Variants in SLC25A48 observed in about 807,000 individuals in gnomAD.
The protein encoded by SLC25A48 is solute carrier family 25 member 48, also known as CTC-321K16.1.
In SLC25A48, 29 loss-of-function variants were observed where a neutral mutation model predicts 32.2. The ratio of observed to expected loss-of-function variants is 0.90; its 90% CI spans 0.67 to 1.23. SLC25A48 has a LOEUF of 1.23. Among genes scored for constraint, SLC25A48 ranks in the 50% most tolerant of loss-of-function variants. The pLI is 0.00. For synonymous variants in SLC25A48, 164 were observed against 172.3 expected, an observed-to-expected ratio of 0.95 and a Z score of 0.38; for missense variants, 399 against 422.7, an observed-to-expected ratio of 0.94 and a Z score of 0.49.
Position 135,592,672 on chromosome 5 carries a change from T to TGA in SLC25A48, c.-849+13084_-849+13085dup, listed in dbSNP as rs149212131. Among the ~76,000 whole-genome samples the TGA allele has an allele frequency of 6.7e-3, 1,011 of 151,912 alleles. 24 individuals are homozygous for TGA. The highest frequency in any genetic ancestry group is 0.023 in the African/African-American group (937 of 41,380). On this transcript the variant is annotated intron_variant, in intron 1 of 10. Coordinates refer to the SLC25A48 transcript ENST00000646290. ...GTGTATGTGTGTGTGAGAGAGAGAT[T>TGA]GAGAGAGAGACAGTGAGAGAGAGCA...
At chr5:135,859,797 G>T (rs1447801647) in intron 4 of SLC25A48, among the ~76,000 whole-genome samples, 1 of 152,126 alleles carries the variant, frequency 6.6e-6, no homozygotes, top group Non-Finnish European at 1.5e-5. Flanking sequence ...TGGTGCCACT[G>T]GTGTCAGACA....
intron 3 of SLC25A48, among the ~76,000 whole-genome samples, chr5:135,746,076 GC>G (rs1408675380): frequency 6.6e-6 from 1 of 151,898 alleles, no homozygotes; most frequent in Admixed American, 6.6e-5. Context: ...TTCAAGCTCC[GC>G]CCTCACGCTG....
intron 3 of SLC25A48, among the ~76,000 whole-genome samples, chr5:135,769,246 T>G (rs1756333348): frequency 1.3e-5 from 1 of 79,762 alleles, no homozygotes. Flanking sequence ...CTCTGTAATT[T>G]TGTTTGCAAT....
intron 3 of SLC25A48, among the ~76,000 whole-genome samples, chr5:135,806,377 AGT>A (rs1313936151): frequency 6.6e-6 from 1 of 151,542 alleles, no homozygotes; most frequent in Non-Finnish European, 1.5e-5. Context: ...TTAATATCTT[AGT>A]GTGTTAATAC....
chr5:135,698,519 C>G (rs747607144), intron 3 of SLC25A48, among the ~76,000 whole-genome samples: 1 of 152,004 alleles, frequency 6.6e-6, no homozygotes, highest in East Asian at 1.9e-4. Flanking sequence ...TGAGCAACCA[C>G]TACAGTTTTT....
intron 3 of SLC25A48, among the ~76,000 whole-genome samples, chr5:135,763,763 A>G (rs1756123370): frequency 1.1e-5 from 1 of 88,522 alleles, no homozygotes; most frequent in Non-Finnish European, 2.9e-5. Flanking sequence ...GAACACACAC[A>G]TACACACACA....
chr5:135,637,953 A>G (rs1411073730), intron 3 of SLC25A48, among the ~76,000 whole-genome samples: 1 of 152,176 alleles, frequency 6.6e-6, no homozygotes, highest in Admixed American at 6.5e-5. Context: ...CACTTATTCT[A>G]TTTCACCAAT....
intron 3 of SLC25A48, among the ~76,000 whole-genome samples, chr5:135,730,188 A>T (rs942712343): frequency 1.3e-5 from 2 of 152,062 alleles, no homozygotes; most frequent in East Asian, 3.9e-4. Flanking sequence ...CCTATAACAA[A>T]CCTCTGCTGT....
chr5:135,685,481 G>A (rs1230773073), intron 3 of SLC25A48, among the ~76,000 whole-genome samples: 3 of 138,330 alleles, frequency 2.2e-5, no homozygotes, highest in South Asian at 2.2e-4. Context: ...TGCCCAGGCT[G>A]TAGTGCAATG....
At chr5:135,800,308 G>T (rs74719369) in intron 3 of SLC25A48, among the ~76,000 whole-genome samples, 1 of 151,716 alleles carries the variant, frequency 6.6e-6, no homozygotes, top group Admixed American at 6.6e-5. Context: ...GCCCGCTTGT[G>T]GTATTGTTCT....
intron 3 of SLC25A48, among the ~76,000 whole-genome samples, chr5:135,749,997 C>T (rs1475229103): frequency 6.6e-6 from 1 of 152,186 alleles, no homozygotes. Context: ...CTGACACCAT[C>T]CATCGTCTGT....
At chr5:135,809,541 T>G (rs1309740434) in intron 3 of SLC25A48, among the ~76,000 whole-genome samples, 1 of 152,160 alleles carries the variant, frequency 6.6e-6, no homozygotes, top group Non-Finnish European at 1.5e-5. Flanking sequence ...TAGTGGAAAC[T>G]TCTGTGGGTT....
intron 1 of SLC25A48, among the ~76,000 whole-genome samples, chr5:135,585,785 T>TAATAATAATAATAATAAA (rs1561746120): frequency 2.0e-5 from 3 of 151,848 alleles, no homozygotes; most frequent in African/African-American, 7.3e-5. Flanking sequence ...ATAATAATAA[T>TAATAATAATAATAATAAA]AAATAATCAG....
rs1284773428 is a variant in SLC25A48 at position 135,852,811 on chromosome 5, G to A, written c.411G>A (p.Pro137=). 8 of 1,605,006 alleles carry A rather than the reference G, an allele frequency of 5.0e-6. No individual in the cohort carries two copies. Among genetic ancestry groups the A allele is most frequent in the East Asian group, 2.2e-5 (1 of 44,578 alleles). ...IKIRLQMQTQ[P]FRDANLGLKS... is the part of the protein sequence containing the mutation. ...TCCGGTTGCAGATGCAGACACAACC[G>A]TTTCGGGACGGTAAGAGGCCAGGGG... Residue 137 remains proline, a synonymous_variant, in exon 4 of 8, where the codon CCG becomes CCA. Coordinates refer to ENST00000681962, the MANE Select transcript of SLC25A48 (RefSeq NM_001349336.2).
At chr5:135,866,757 A>T (rs1761235276) in intron 4 of SLC25A48, among the ~76,000 whole-genome samples, 1 of 152,234 alleles carries the variant, frequency 6.6e-6, no homozygotes. Flanking sequence ...ACTGAGCTGG[A>T]CAAGGCAGGA....
chr5:135,709,838 T>A (rs1218472766), intron 3 of SLC25A48, among the ~76,000 whole-genome samples: 1 of 152,248 alleles, frequency 6.6e-6, no homozygotes, highest in African/African-American at 2.4e-5. Flanking sequence ...TCATGTTGAC[T>A]GCTTTATTAC....
At chr5:135,761,649 G>C (rs78361840) in intron 3 of SLC25A48, among the ~76,000 whole-genome samples, 1 of 152,126 alleles carries the variant, frequency 6.6e-6, no homozygotes. Context: ...CTGCTTAGAG[G>C]CCTCTCGTCC....
In SLC25A48 at chr5:135,708,565, T is replaced by C. The variant is rs543224164; in HGVS notation, c.-521+73609T>C. ...TCATCCAAATTCTCTGTGTTAATGG[T>C]GGAGTGTCAGGCCCCACCCCGGTCA... On this transcript the variant is annotated intron_variant, in intron 3 of 10. Transcript: ENST00000646290. 6.6e-5 allele frequency among the ~76,000 whole-genome samples: 10 copies of C among 152,262 alleles called. 1 individual carries two copies. The South Asian group carries it at 1.2e-3, about 19-fold the overall frequency.
At chr5:135,811,119 A>G (rs571034026) in intron 3 of SLC25A48, among the ~76,000 whole-genome samples, 73 of 152,258 alleles carry the variant, frequency 4.8e-4, no homozygotes, top group African/African-American at 1.7e-3. Flanking sequence ...GAGACATGGC[A>G]TAGGTTTCCA....
Sources: allele counts gnomAD v4.1 joint callset (sites outside exome capture counted in the v4.1 genomes callset), GRCh38; gene constraint gnomAD v4.1.1; transcripts MANE v1.5; gene names NCBI Gene and HGNC (gene_info 2026-07-23, HGNC 2026-07-21).